Variants in KDSR observed in about 807,000 individuals in gnomAD.
The protein encoded by KDSR is 3-ketodihydrosphingosine reductase.
A neutral mutation model predicts 41.3 loss-of-function variants in KDSR; 23 were observed. That is an observed-to-expected ratio of 0.56 (90% CI 0.40 to 0.79). KDSR has a LOEUF of 0.79. Among genes scored for constraint, KDSR ranks in the 30% least tolerant of loss-of-function variants. The probability of loss-of-function intolerance (pLI) is 0.00; values close to 1 mark genes in which losing one functional copy is unlikely to be tolerated. For missense variants in KDSR, 351 were observed against 416.8 expected (o/e 0.84, Z 1.37); for synonymous variants, 138 against 151.7 (o/e 0.91, Z 0.66).
intron 6 of KDSR, chr18:63,345,875 G>C (rs1914485723): frequency 6.6e-6 from 1 of 151,538 alleles, no homozygotes; most frequent in Non-Finnish European, 1.5e-5. Flanking sequence ...CCAGGAGGCG[G>C]AAGTTGCAGT....
intron 8 of KDSR, among the ~76,000 whole-genome samples, chr18:63,336,269 A>C (rs1315435287): frequency 6.6e-6 from 1 of 152,164 alleles, no homozygotes; most frequent in African/African-American, 2.4e-5. Flanking sequence ...AGCTCAAGCA[A>C]TCCAGCCGCC....
rs919405205 is a variant in KDSR, at chr18:63,331,093, T to C, written c.*689A>G. 8.6e-6 allele frequency: 2 copies of C among 232,880 alleles called. No individual in the cohort carries two copies. Among genetic ancestry groups the C allele is most frequent in the African/African-American group, 2.2e-5 (1 of 45,304 alleles). The allele number at this position is 232,880 out of a possible 1,614,324, so 14.4% of individuals were successfully genotyped here. On this transcript the variant is annotated 3_prime_UTR_variant, in exon 10 of 10. Coordinates refer to ENST00000645214, the MANE Select transcript of KDSR (RefSeq NM_002035.4). ...CTGGAAAATATCTCTTTACTTCCCA[T>C]TGCACTGCCCTCTCCCGTCCCCCTC...
chr18:63,342,935 G>A (rs1914386445), intron 7 of KDSR, among the ~76,000 whole-genome samples: 1 of 152,112 alleles, frequency 6.6e-6, no homozygotes, highest in Non-Finnish European at 1.5e-5. Context: ...TCGTGATACT[G>A]AGTGAGTTCT....
chr18:63,352,575 C>T (rs1914687139), intron 5 of KDSR, among the ~76,000 whole-genome samples: 1 of 152,152 alleles, frequency 6.6e-6, no homozygotes, highest in South Asian at 2.1e-4. Context: ...CTCGGCCTCC[C>T]AAAGTGTTGG....
At chr18:63,361,620 G>T (rs1014511784) in intron 2 of KDSR, among the ~76,000 whole-genome samples, 32 of 152,152 alleles carry the variant, frequency 2.1e-4, no homozygotes, top group Non-Finnish European at 4.6e-4. Flanking sequence ...TTCCAGACCA[G>T]CCTGACCAAC....
intron 7 of KDSR, among the ~76,000 whole-genome samples, chr18:63,341,433 G>A (rs768882639): frequency 2.7e-5 from 4 of 148,924 alleles, no homozygotes; most frequent in Admixed American, 6.7e-5. Flanking sequence ...AGGATAAAGC[G>A]AATAAAAACC....
chr18:63,337,460 C>T (rs79184366), intron 8 of KDSR, among the ~76,000 whole-genome samples: 254 of 152,146 alleles, frequency 1.7e-3, no homozygotes, highest in Middle Eastern at 0.01. Context: ...CAAACAGCTT[C>T]CATTTCAAAT....
rs529844841 is a variant in KDSR, at chr18:63,362,523, A to G, written c.198+256T>C. Among the ~76,000 whole-genome samples, 5 of 152,322 alleles carry G rather than the reference A, an allele frequency of 3.3e-5. 1 individual carries two copies. Among genetic ancestry groups the G allele is most frequent in the African/African-American group, 1.2e-4 (5 of 41,564 alleles). ...CTTCAACTAGACCTTGGCCTCTCCC[A>G]TCTCAGGATCTGCAGTATCTATGAT... On this transcript the variant is annotated intron_variant, in intron 2 of 9. Transcript: ENST00000645214.
In KDSR at chr18:63,363,013, A is replaced by G. The variant is rs540168842; in HGVS notation, c.109-145T>C. The G allele has an allele frequency of 6.7e-6, 4 of 599,156 alleles. No homozygotes were observed. The East Asian group carries it at 1.1e-4, about 17-fold the overall frequency. 37.1% of individuals were successfully genotyped at this position (599,156 alleles called of 1,614,324 possible). On this transcript the variant is annotated intron_variant, in intron 1 of 9. Coordinates refer to ENST00000645214, the MANE Select transcript of KDSR (RefSeq NM_002035.4). ...TTGTTAACTTCTTCATCCCAAACTT[A>G]ATGACTGGAGTAAGTGTAAGCATGA...
At position 63,328,644 on chromosome 18, in the gene KDSR, G is replaced by A. The variant is rs550594132; in HGVS notation, c.*3138C>T. The A allele has an allele frequency of 9.9e-4, 163 of 165,226 alleles. 1 individual carries two copies. Among genetic ancestry groups the A allele is most frequent in the Middle Eastern group, 2.7e-3 (1 of 372 alleles). The allele number at this position is 165,226 out of a possible 1,614,324, so 10.2% of individuals were successfully genotyped here. A position where few individuals can be genotyped will look rare whatever the true frequency, so the allele number is the denominator to read the frequency against. On this transcript the variant is annotated 3_prime_UTR_variant, in exon 10 of 10. Transcript: ENST00000645214. ...CAAAGTGCTGGGATTACTGGCGTGAGCCACCACGCCCGGCCCAGAGAAAGA... is the reference window on the plus strand; with the variant it reads ...CAAAGTGCTGGGATTACTGGCGTGAACCACCACGCCCGGCCCAGAGAAAGA...
intron 7 of KDSR, among the ~76,000 whole-genome samples, chr18:63,340,804 T>G (rs1914321885): frequency 1.3e-5 from 2 of 152,246 alleles, no homozygotes; most frequent in South Asian, 2.1e-4. Flanking sequence ...AGATTCTTAA[T>G]TCTCACCACT....
intron 5 of KDSR, among the ~76,000 whole-genome samples, chr18:63,351,929 A>G (rs1372162800): frequency 6.6e-6 from 1 of 152,016 alleles, no homozygotes; most frequent in Non-Finnish European, 1.5e-5. Context: ...GACTACAGGC[A>G]CATGCCACCA....
intron 2 of KDSR, among the ~76,000 whole-genome samples, chr18:63,360,692 G>A (rs1461540989): frequency 6.6e-6 from 1 of 151,932 alleles, no homozygotes; most frequent in Non-Finnish European, 1.5e-5. Flanking sequence ...AGACCAGCCT[G>A]GGCAACATGG....
chr18:63,359,459 T>C (rs1391280353), intron 3 of KDSR: 1 of 315,692 alleles, frequency 3.2e-6, no homozygotes, highest in Non-Finnish European at 5.8e-6. Context: ...TCTTAAGCAT[T>C]TGTATAAAGT....
intron 1 of KDSR, among the ~76,000 whole-genome samples, chr18:63,363,749 T>G (rs932229107): frequency 6.6e-6 from 1 of 152,182 alleles, no homozygotes; most frequent in African/African-American, 2.4e-5. Context: ...ATAAAAGTAA[T>G]ATACAATCAC....
At chr18:63,343,393 T>G (rs573596167) in intron 7 of KDSR, among the ~76,000 whole-genome samples, 22 of 146,952 alleles carry the variant, frequency 1.5e-4, no homozygotes, top group Admixed American at 1.2e-3. Context: ...TAATTTTAAT[T>G]TTTTTTTTTT....
intron 3 of KDSR, among the ~76,000 whole-genome samples, chr18:63,357,917 C>G (rs993249589): frequency 6.6e-6 from 1 of 152,086 alleles, no homozygotes; most frequent in African/African-American, 2.4e-5. Flanking sequence ...GTGGCTCACA[C>G]CTGTAATCCC....
intron 1 of KDSR, among the ~76,000 whole-genome samples, chr18:63,363,957 A>C (rs557468693): frequency 6.6e-6 from 1 of 152,166 alleles, no homozygotes; most frequent in Non-Finnish European, 1.5e-5. Flanking sequence ...ACCTATCTCT[A>C]TGGGACTCAT....
intron 3 of KDSR, among the ~76,000 whole-genome samples, chr18:63,356,357 C>CCATT (rs1050967288): frequency 2.0e-5 from 3 of 151,780 alleles, no homozygotes; most frequent in Non-Finnish European, 2.9e-5. Flanking sequence ...TGAGATCATG[C>CCATT]CATTGCACAC....
Sources: allele counts gnomAD v4.1 joint callset (sites outside exome capture counted in the v4.1 genomes callset), GRCh38; gene constraint gnomAD v4.1.1; transcripts MANE v1.5; gene names NCBI Gene and HGNC (gene_info 2026-07-23, HGNC 2026-07-21).